The following KATNAL2 variants were observed in gnomAD, a reference collection of about 807,000 sequenced individuals.
The protein encoded by KATNAL2 is katanin catalytic subunit A1 like 2.
KATNAL2 carries 52 observed loss-of-function variants against 76.3 expected under a neutral mutation model. That is an observed-to-expected ratio of 0.68 (90% confidence interval 0.55 to 0.86). KATNAL2 has a LOEUF of 0.86. Ranked by LOEUF, KATNAL2 falls within the 40% of genes least tolerant of loss-of-function variation. KATNAL2 has a pLI of 0.00. For synonymous variants in KATNAL2, 243 were observed against 244.2 expected, an observed-to-expected ratio of 1.00 and a Z score of 0.05; for missense variants, 660 against 668.9, an observed-to-expected ratio of 0.99 and a Z score of 0.15.
At chr18:46,951,697 T>C (rs2059562338) in intron 3 of KATNAL2, among the ~76,000 whole-genome samples, 1 of 152,156 alleles carries the variant, frequency 6.6e-6, no homozygotes, top group Non-Finnish European at 1.5e-5. Flanking sequence ...TCCTCTCACC[T>C]TGATTGGTGA....
chr18:47,079,838 AAC>A (rs1444127741), intron 15 of KATNAL2, among the ~76,000 whole-genome samples: 1 of 152,160 alleles, frequency 6.6e-6, no homozygotes, highest in Non-Finnish European at 1.5e-5. Context: ...TTTTTTGGCA[AAC>A]ACACTTCATA....
Position 46,931,776 on chromosome 18 carries a change from T to G in KATNAL2, c.-510+13850T>G, listed in dbSNP as rs753760496. Among the ~76,000 whole-genome samples, 12 of 151,492 alleles carry G rather than the reference T, an allele frequency of 7.9e-5. No individual in the cohort carries two copies. In the East Asian group the frequency reaches 1.5e-3, roughly 20 times the overall value. ...GGAAATAAAGGTAGAATAAAAGAAA[T>G]AAAGACAGCAGTAGAAAATAATTAA... On this transcript the variant is annotated intron_variant, in intron 1 of 17. Transcript: ENST00000683218.
chr18:47,040,723 C>T (rs566241796), intron 3 of KATNAL2, among the ~76,000 whole-genome samples: 53 of 152,052 alleles, frequency 3.5e-4, no homozygotes, highest in East Asian at 1.9e-4. Context: ...CACTTCAGCC[C>T]GGGTGTTCAA....
intron 3 of KATNAL2, chr18:47,032,896 C>A: frequency 1.3e-6 from 2 of 1,592,576 alleles, no homozygotes; most frequent in South Asian, 1.1e-5. Context: ...CAACTTTGCA[C>A]CAAGTTAAAG....
chr18:47,100,347 C>T lies in KATNAL2; in HGVS notation c.1468C>T (p.His490Tyr). The change falls in exon 17 of 18, where the codon CAC becomes TAC. Residue 490 changes from histidine to tyrosine, a missense_variant. Transcript: ENST00000683218. ...VRKIFDALEN[H>Y]QSESSDLPRI... is the part of the protein sequence containing the mutation. The stretch of plus-strand genomic sequence containing the variant: ...GAAGATCTTTGATGCACTTGAAAAT[C>T]ACCAGTCAGGTATGGGTTGGATCAC... 1 of 1,613,308 alleles carries T rather than the reference C, an allele frequency of 6.2e-7. No individual in the cohort carries two copies. The highest frequency in any genetic ancestry group is 1.3e-5 in the African/African-American group (1 of 75,002).
In KATNAL2 at chr18:47,069,709, A is replaced by G. The variant is rs955496204; in HGVS notation, c.1008+109A>G. 2.2e-5 allele frequency: 15 copies of G among 683,682 alleles called. No homozygotes were observed. The African/African-American group carries it at 2.3e-4, about 11-fold the overall frequency. The allele number at this position is 683,682 out of a possible 1,614,324, so 42.4% of individuals were successfully genotyped here. A position where few individuals can be genotyped will look rare whatever the true frequency, so the allele number is the denominator to read the frequency against. On this transcript the variant is annotated intron_variant, in intron 13 of 17. Coordinates refer to ENST00000683218, the MANE Select transcript of KATNAL2 (RefSeq NM_001387690.1). The stretch of plus-strand genomic sequence containing the variant: ...AGGTGATTTTATGTGAGATCTCAAG[A>G]TCCACTCCTGGATCTTGATTACCAG...
In KATNAL2 at chr18:46,927,705, G is replaced by A. The variant is rs547090966; in HGVS notation, c.-510+9779G>A. The stretch of plus-strand genomic sequence containing the variant: ...TTTCCAACTTGGTTCCATTCTCCCC[G>A]TCATTTTCAGGTACACCAATCAGAC... On this transcript the variant is annotated intron_variant, in intron 1 of 17. Coordinates refer to ENST00000683218, the MANE Select transcript of KATNAL2 (RefSeq NM_001387690.1). 8.5e-5 allele frequency among the ~76,000 whole-genome samples: 13 copies of A among 152,182 alleles called. No homozygotes were observed. The South Asian group carries it at 1.2e-3, about 15-fold the overall frequency.
intron 1 of KATNAL2, among the ~76,000 whole-genome samples, chr18:46,926,700 T>G (rs1349387887): frequency 2.0e-5 from 3 of 152,124 alleles, no homozygotes; most frequent in African/African-American, 4.8e-5. Context: ...AAGTCTCCCA[T>G]TATTATTGTG....
Position 47,058,224 on chromosome 18 carries a change from C to T in KATNAL2, c.333-11C>T. 6.4e-7 allele frequency: 1 copy of T among 1,570,610 alleles called. No individual in the cohort carries two copies. The highest frequency in any genetic ancestry group is 8.8e-7 in the Non-Finnish European group (1 of 1,141,286). On this transcript the variant is annotated splice_polypyrimidine_tract_variant and intron_variant, in intron 6 of 17. Coordinates refer to ENST00000683218, the MANE Select transcript of KATNAL2 (RefSeq NM_001387690.1). ...AATAATTTCTTCCAAGGTCTTTGTT[C>T]CCTCCCTTAGGATGATGAACGACAG... is the stretch of plus-strand genomic sequence containing the variant.
intron 3 of KATNAL2, among the ~76,000 whole-genome samples, chr18:47,046,065 C>T (rs1017351202): frequency 6.6e-6 from 1 of 152,204 alleles, no homozygotes; most frequent in Non-Finnish European, 1.5e-5. Flanking sequence ...CAGGTAAGTG[C>T]CTGTGTTGTC....
At chr18:47,048,238 T>G (rs961901466) in intron 4 of KATNAL2, among the ~76,000 whole-genome samples, 1 of 152,150 alleles carries the variant, frequency 6.6e-6, no homozygotes, top group Non-Finnish European at 1.5e-5. Context: ...TTTTTGATAT[T>G]TTCCCAAAAA....
chr18:46,919,486 CA>C (rs571707086), intron 1 of KATNAL2, among the ~76,000 whole-genome samples: 226 of 134,282 alleles, frequency 1.7e-3, no homozygotes, highest in Middle Eastern at 4.2e-3. Context: ...AACTCCATCT[CA>C]AAAAAAAAAA....
intron 4 of KATNAL2, among the ~76,000 whole-genome samples, chr18:47,049,629 A>G (rs912125641): frequency 1.3e-5 from 2 of 152,226 alleles, no homozygotes; most frequent in African/African-American, 4.8e-5. Flanking sequence ...CATCTGATTT[A>G]CTATGTGCAA....
chr18:47,078,119 A>G (rs1000422249), intron 15 of KATNAL2, among the ~76,000 whole-genome samples: 1 of 152,192 alleles, frequency 6.6e-6, no homozygotes, highest in Admixed American at 6.5e-5. Flanking sequence ...GCAAAGCAGG[A>G]GACAGATAAA....
chr18:47,089,708 A>ATAACAT lies in KATNAL2; in HGVS notation c.1212-9534_1212-9529dup, dbSNP rs775519471. ...CATTATTTTCACTAAAGATTAAAAT[A>ATAACAT]TAACATCTTATTTCCATTGCCCAAG... On this transcript the variant is annotated intron_variant, in intron 15 of 17. Coordinates refer to ENST00000683218, the MANE Select transcript of KATNAL2 (RefSeq NM_001387690.1). Among the ~76,000 whole-genome samples, 5 of 152,364 alleles carry ATAACAT rather than the reference A, an allele frequency of 3.3e-5. No individual in the cohort carries two copies. The South Asian group carries it at 1.0e-3, about 32-fold the overall frequency.
intron 1 of KATNAL2, among the ~76,000 whole-genome samples, chr18:46,936,034 C>T (rs2059079752): frequency 6.6e-6 from 1 of 152,120 alleles, no homozygotes; most frequent in Non-Finnish European, 1.5e-5. Context: ...GTAAAATAAA[C>T]AATTTCAAGT....
intron 13 of KATNAL2, among the ~76,000 whole-genome samples, chr18:47,070,051 C>T (rs890811806): frequency 6.6e-6 from 1 of 151,600 alleles, no homozygotes; most frequent in African/African-American, 2.4e-5. Context: ...ATGTTCTGAG[C>T]ACCTTTGCTT....
At chr18:47,031,479 A>C (rs73954213) in intron 3 of KATNAL2, among the ~76,000 whole-genome samples, 1 of 152,032 alleles carries the variant, frequency 6.6e-6, no homozygotes, top group Non-Finnish European at 1.5e-5. Context: ...AAAGAAAATC[A>C]TTATGCCCTG....
rs372665714 is a variant in KATNAL2, at chr18:46,956,449, T to C, written c.51+9526T>C. Reference sequence around the variant, plus strand: ...GGTCTCCTTGATGAGCTGCTCTCTCTCTGCCCCTTAAATTCTTGTTCTTTA... The same window carrying C: ...GGTCTCCTTGATGAGCTGCTCTCTCCCTGCCCCTTAAATTCTTGTTCTTTA... On this transcript the variant is annotated intron_variant, in intron 3 of 17. Coordinates refer to ENST00000683218, the MANE Select transcript of KATNAL2 (RefSeq NM_001387690.1). Among the ~76,000 whole-genome samples the C allele has an allele frequency of 1.3e-4, 20 of 152,350 alleles. 1 individual carries two copies. In the East Asian group the frequency reaches 3.5e-3, roughly 26 times the overall value.
Sources: gnomAD v4.1 joint callset for allele counts (sites outside exome capture counted in the v4.1 genomes callset) on GRCh38, gnomAD v4.1.1 for gene constraint, MANE v1.5 for transcripts, NCBI Gene and HGNC (gene_info 2026-07-23, HGNC 2026-07-21) for gene names.